Variants in ALCAM observed in about 807,000 individuals in gnomAD.
ALCAM encodes the protein CD166 antigen.
A neutral mutation model predicts 70.9 loss-of-function variants in ALCAM; 30 were observed. The observed-to-expected ratio is 0.42, with a 90% CI of 0.32 to 0.57. The LOEUF (loss-of-function observed/expected upper bound fraction) is 0.57. ALCAM is among the 20% of genes least tolerant of loss of function. The pLI, the probability that ALCAM is intolerant of heterozygous loss-of-function variation, is 0.11. For synonymous variants in ALCAM, 249 were observed against 242.5 expected (o/e 1.03, Z -0.25); for missense variants, 591 against 695.1 (o/e 0.85, Z 1.68).
At chr3:105,502,695 T>A (rs544107978) in intron 1 of ALCAM, among the ~76,000 whole-genome samples, 1 of 152,242 alleles carries the variant, frequency 6.6e-6, no homozygotes, top group East Asian at 1.9e-4. Flanking sequence ...ATAAATGATA[T>A]TTTCCACTGC....
intron 6 of ALCAM, among the ~76,000 whole-genome samples, 167 bp downstream of exon 6, chr3:105,535,012 T>C (rs1939934586): frequency 6.6e-6 from 1 of 152,152 alleles, no homozygotes; most frequent in Admixed American, 6.6e-5. Flanking sequence ...GACCATAGCA[T>C]GAATAAACAT....
intron 1 of ALCAM, among the ~76,000 whole-genome samples, chr3:105,406,680 G>A (rs1250530766): frequency 6.8e-6 from 1 of 148,012 alleles, no homozygotes; most frequent in South Asian, 2.3e-4. Flanking sequence ...CCGAAGAAAA[G>A]AAATAACTAA....
At chr3:105,546,948 G>A (rs1364653365) in intron 9 of ALCAM, among the ~76,000 whole-genome samples, 2 of 151,336 alleles carry the variant, frequency 1.3e-5, no homozygotes, top group Admixed American at 6.6e-5. Flanking sequence ...ATGAAAGAGC[G>A]TGAAATAAAA....
At chr3:105,368,223 A>AAGAGAGAGAGAGAGAGAGAG (rs5851454) in intron 1 of ALCAM, among the ~76,000 whole-genome samples, 2,351 of 67,616 alleles carry the variant, frequency 0.035, 292 homozygotes, top group East Asian at 0.054. Context: ...TGAGTCTTGG[A>AAGAGAGAGAGAGAGAGAGAG]AGAGAGAGAG....
intron 1 of ALCAM, among the ~76,000 whole-genome samples, chr3:105,452,291 T>G (rs773816688): frequency 7.9e-5 from 12 of 152,148 alleles, no homozygotes; most frequent in Non-Finnish European, 1.6e-4. Flanking sequence ...ATTGTTCAAC[T>G]CCCACTTATG....
intron 1 of ALCAM, among the ~76,000 whole-genome samples, chr3:105,422,086 A>G (rs966186035): frequency 3.3e-5 from 5 of 151,390 alleles, no homozygotes; most frequent in African/African-American, 1.2e-4. Context: ...GTGAGAACAT[A>G]CAGTATTTGA....
chr3:105,416,833 A>G (rs1405013333), intron 1 of ALCAM, among the ~76,000 whole-genome samples: 1 of 152,022 alleles, frequency 6.6e-6, no homozygotes, highest in Non-Finnish European at 1.5e-5. Context: ...AATTACTGCA[A>G]TAGCTAACTC....
At chr3:105,540,360 C>T (rs996029276) in intron 7 of ALCAM, among the ~76,000 whole-genome samples, 26 of 151,906 alleles carry the variant, frequency 1.7e-4, no homozygotes, top group African/African-American at 5.8e-4. Context: ...TTTAATTATC[C>T]AAATAAACTT....
At chr3:105,562,563 C>T (rs1267743282) in intron 14 of ALCAM, among the ~76,000 whole-genome samples, 1 of 151,980 alleles carries the variant, frequency 6.6e-6, no homozygotes, top group African/African-American at 2.4e-5. Context: ...ATTCTTTTGT[C>T]TATGTTCATG....
At position 105,520,062 on chromosome 3, in the gene ALCAM, C is replaced by A; in HGVS notation, c.74-5C>A. 1.3e-6 allele frequency: 2 copies of A among 1,551,078 alleles called. No homozygotes were observed. Among genetic ancestry groups the A allele is most frequent in the African/African-American group, 1.4e-5 (1 of 71,320 alleles). ...CTCTTCTTCCTTTTTTTTTTTCCCCCAAAGGCCTTGGATGGTATACTGTAA... is the reference window on the plus strand; with the variant it reads ...CTCTTCTTCCTTTTTTTTTTTCCCCAAAAGGCCTTGGATGGTATACTGTAA... On this transcript the variant is annotated splice_region_variant and splice_polypyrimidine_tract_variant and intron_variant, in intron 1 of 15. Coordinates refer to ENST00000306107, the MANE Select transcript of ALCAM (RefSeq NM_001627.4).
chr3:105,553,178 T>G (rs1364533226), intron 14 of ALCAM: 1 of 832,664 alleles, frequency 1.2e-6, no homozygotes, highest in Non-Finnish European at 1.4e-6. Flanking sequence ...TAAACATTAT[T>G]AGTTATATGA....
chr3:105,414,031 C>T (rs578098273), intron 1 of ALCAM, among the ~76,000 whole-genome samples: 1 of 152,148 alleles, frequency 6.6e-6, no homozygotes, highest in African/African-American at 2.4e-5. Context: ...AGTTCTGCTA[C>T]TTAGTGACTT....
intron 3 of ALCAM, among the ~76,000 whole-genome samples, chr3:105,531,586 A>G (rs1434665635): frequency 1.3e-5 from 2 of 152,022 alleles, no homozygotes; most frequent in African/African-American, 4.8e-5. Flanking sequence ...TGAATTTTAA[A>G]CAAGTATCTT....
intron 14 of ALCAM, chr3:105,552,935 G>C: frequency 9.3e-7 from 1 of 1,073,272 alleles, no homozygotes; most frequent in Non-Finnish European, 1.1e-6. Flanking sequence ...TTCATTAAAA[G>C]TACCTAGTAC....
intron 1 of ALCAM, among the ~76,000 whole-genome samples, chr3:105,396,086 A>G (rs1935944914): frequency 1.3e-5 from 2 of 152,048 alleles, no homozygotes; most frequent in African/African-American, 4.8e-5. Flanking sequence ...TAGACTGGGC[A>G]AGCACAATAA....
chr3:105,398,489 C>A (rs987759421), intron 1 of ALCAM, among the ~76,000 whole-genome samples: 9 of 152,074 alleles, frequency 5.9e-5, no homozygotes, highest in African/African-American at 2.2e-4. Context: ...TCAATTTAAT[C>A]ATCACTTTAT....
intron 1 of ALCAM, among the ~76,000 whole-genome samples, chr3:105,488,231 C>T (rs55866944): frequency 0.013 from 2,000 of 152,186 alleles, 34 homozygotes; most frequent in African/African-American, 0.044. Flanking sequence ...GATGCTGGGT[C>T]CATGTTTCTT....
intron 1 of ALCAM, chr3:105,513,448 A>G (rs1939294212): frequency 8.7e-6 from 1 of 114,866 alleles, no homozygotes; most frequent in Non-Finnish European, 1.9e-5. Context: ...TGGGGGGACA[A>G]TTTTAAGAGG....
chr3:105,458,337 G>A (rs1576176673), intron 1 of ALCAM, among the ~76,000 whole-genome samples: 1 of 152,152 alleles, frequency 6.6e-6, no homozygotes, highest in Admixed American at 6.5e-5. Flanking sequence ...TTACTTTCCT[G>A]TCAATGGAAC....
Sources: allele counts gnomAD v4.1 joint callset (sites outside exome capture counted in the v4.1 genomes callset), GRCh38; gene constraint gnomAD v4.1.1; transcripts MANE v1.5; gene names NCBI Gene and HGNC (gene_info 2026-07-23, HGNC 2026-07-21).